Variants in NRG1 observed in about 807,000 individuals in gnomAD.
NRG1 encodes pro-neuregulin-1, membrane-bound isoform.
A neutral mutation model predicts 63.8 loss-of-function variants in NRG1; 18 were observed. That is an observed-to-expected ratio of 0.28 (90% CI 0.19 to 0.42). The LOEUF is 0.42. Among genes scored for constraint, NRG1 ranks in the 10% least tolerant of loss-of-function variants. The pLI, the probability that NRG1 is intolerant of heterozygous loss-of-function variation, is 1.00. For synonymous variants in NRG1, 302 were observed against 301.3 expected, an observed-to-expected ratio of 1.00 and a Z score of -0.02; for missense variants, 762 against 814.7, an observed-to-expected ratio of 0.94 and a Z score of 0.79.
intron 1 of NRG1, among the ~76,000 whole-genome samples, chr8:32,243,704 G>A (rs537869102): frequency 1.6e-4 from 24 of 152,146 alleles, no homozygotes; most frequent in Non-Finnish European, 2.8e-4. Context: ...ATATCTTGAA[G>A]GCCTAATCTC....
chr8:31,703,182 T>C (rs1810798748), intron 1 of NRG1, among the ~76,000 whole-genome samples: 1 of 151,334 alleles, frequency 6.6e-6, no homozygotes, highest in Non-Finnish European at 1.5e-5. Context: ...TACCATGCTA[T>C]AAAATCTGTC....
At chr8:32,315,455 C>T (rs184160418) in intron 1 of NRG1, among the ~76,000 whole-genome samples, 49 of 152,208 alleles carry the variant, frequency 3.2e-4, no homozygotes, top group African/African-American at 1.1e-3. Context: ...ATATATGTAC[C>T]ACATTGTCTA....
chr8:32,246,464 G>A (rs1458852958), intron 1 of NRG1, among the ~76,000 whole-genome samples: 6 of 152,062 alleles, frequency 3.9e-5, no homozygotes, highest in Admixed American at 6.6e-5. Context: ...TGTAAGTGAC[G>A]GCATCAGAAG....
At chr8:31,644,076 C>T (rs1313973019) in intron 1 of NRG1, among the ~76,000 whole-genome samples, 1 of 152,084 alleles carries the variant, frequency 6.6e-6, no homozygotes, top group African/African-American at 2.4e-5. Context: ...GTGTGCTAAC[C>T]TTATGGTGTT....
intron 3 of NRG1, chr8:32,614,252 C>T (rs1010722534): frequency 2.1e-5 from 7 of 332,442 alleles, no homozygotes; most frequent in African/African-American, 1.3e-4. Flanking sequence ...TTCTTCCTCA[C>T]TGACCCAAGT....
chr8:32,104,288 A>G (rs1303034561), intron 1 of NRG1, among the ~76,000 whole-genome samples: 2 of 152,228 alleles, frequency 1.3e-5, no homozygotes, highest in African/African-American at 4.8e-5. Context: ...AAACCTAGAA[A>G]AGGCACAGTA....
At chr8:31,777,562 A>G (rs1387827934) in intron 1 of NRG1, among the ~76,000 whole-genome samples, 1 of 152,186 alleles carries the variant, frequency 6.6e-6, no homozygotes, top group Non-Finnish European at 1.5e-5. Flanking sequence ...CCCTGTTCTT[A>G]GTTCATTTGT....
chr8:31,945,881 GCTGA>G (rs1802464885), intron 1 of NRG1, among the ~76,000 whole-genome samples: 1 of 152,128 alleles, frequency 6.6e-6, no homozygotes, highest in Non-Finnish European at 1.5e-5. Context: ...ACATTCTCCA[GCTGA>G]CTATCATCTG....
intron 1 of NRG1, among the ~76,000 whole-genome samples, chr8:32,514,270 T>C (rs1348116198): frequency 2.0e-5 from 3 of 152,128 alleles, no homozygotes; most frequent in Non-Finnish European, 4.4e-5. Flanking sequence ...TTACATTTGG[T>C]TTCTGCTATT....
intron 1 of NRG1, among the ~76,000 whole-genome samples, chr8:31,664,235 T>C (rs1806300115): frequency 6.6e-6 from 1 of 152,190 alleles, no homozygotes; most frequent in South Asian, 2.1e-4. Flanking sequence ...CCAGGAATTC[T>C]TCCTAAAGGA....
At chr8:31,844,485 G>A (rs1487371158) in intron 1 of NRG1, among the ~76,000 whole-genome samples, 2 of 152,166 alleles carry the variant, frequency 1.3e-5, no homozygotes, top group East Asian at 1.9e-4. Flanking sequence ...AATGATGATG[G>A]TGGATTTTCC....
At chr8:32,152,717 T>C (rs543234541) in intron 1 of NRG1, among the ~76,000 whole-genome samples, 1 of 152,244 alleles carries the variant, frequency 6.6e-6, no homozygotes, top group South Asian at 2.1e-4. Context: ...CTGAACTGGT[T>C]AAATCCACAA....
chr8:31,997,097 A>T (rs167857), intron 1 of NRG1, among the ~76,000 whole-genome samples: 10,525 of 151,590 alleles, frequency 0.069, 1,240 homozygotes, highest in African/African-American at 0.24. Context: ...GTAAATATTG[A>T]TTTAATTTTT....
At chr8:32,317,120 T>C (rs1178966705) in intron 1 of NRG1, among the ~76,000 whole-genome samples, 1 of 152,212 alleles carries the variant, frequency 6.6e-6, no homozygotes, top group Non-Finnish European at 1.5e-5. Flanking sequence ...GTTCTCTCCA[T>C]GATTTAGCAG....
In NRG1 at chr8:32,054,629, G is replaced by C. The variant is rs539243548; in HGVS notation, c.37+415198G>C. Among the ~76,000 whole-genome samples, 4 of 152,228 alleles carry C rather than the reference G, an allele frequency of 2.6e-5. No individual in the cohort carries two copies. In the East Asian group the frequency reaches 7.7e-4, roughly 29 times the overall value. ...TTCCTTTCTGTTTGATTTATCTGCT[G>C]TTATGGTGTTAGGGCTATTGCTGTT... is the stretch of plus-strand genomic sequence containing the variant. On this transcript the variant is annotated intron_variant, in intron 1 of 10. Transcript: ENST00000519301.
chr8:31,741,757 C>A (rs916673547), intron 1 of NRG1, among the ~76,000 whole-genome samples: 22 of 151,916 alleles, frequency 1.4e-4, no homozygotes, highest in East Asian at 3.9e-4. Context: ...TTGGGGTATA[C>A]AATTGCTTTG....
chr8:31,668,287 T>A (rs1297893849), intron 1 of NRG1, among the ~76,000 whole-genome samples: 1 of 152,220 alleles, frequency 6.6e-6, no homozygotes, highest in African/African-American at 2.4e-5. Context: ...CAATTTTATG[T>A]CTGCTCAGTG....
chr8:31,937,752 C>T (rs968118333), intron 1 of NRG1, among the ~76,000 whole-genome samples: 2 of 152,088 alleles, frequency 1.3e-5, no homozygotes, highest in African/African-American at 4.8e-5. Context: ...TGGCTTTCCC[C>T]CACTTCTCTG....
At chr8:32,358,957 GA>G (rs1391968247) in intron 1 of NRG1, among the ~76,000 whole-genome samples, 1 of 152,160 alleles carries the variant, frequency 6.6e-6, no homozygotes, top group Non-Finnish European at 1.5e-5. Context: ...GGGCAGGGGT[GA>G]GGTAGGGTTT....
Sources: gnomAD v4.1 joint callset for allele counts (sites outside exome capture counted in the v4.1 genomes callset) on GRCh38, gnomAD v4.1.1 for gene constraint, MANE v1.5 for transcripts, NCBI Gene and HGNC (gene_info 2026-07-23, HGNC 2026-07-21) for gene names.